LAMB1: variants seen among roughly 807,000 people sequenced by gnomAD.
The protein encoded by LAMB1 is laminin subunit beta-1.
A neutral mutation model predicts 222.3 loss-of-function variants in LAMB1; 121 were observed. The ratio of observed to expected loss-of-function variants is 0.54; its 90% CI spans 0.47 to 0.63. LAMB1 has a LOEUF of 0.63. LAMB1 is among the 30% of genes least tolerant of loss of function. LAMB1 has a pLI of 0.00. For missense variants in LAMB1, 2,172 were observed against 2,240.8 expected, an observed-to-expected ratio of 0.97 and a Z score of 0.62; for synonymous variants, 794 against 807.2, an observed-to-expected ratio of 0.98 and a Z score of 0.28.
intron 24 of LAMB1, among the ~76,000 whole-genome samples, chr7:107,948,865 T>C (rs2033183296): frequency 6.6e-6 from 1 of 152,194 alleles, no homozygotes; most frequent in African/African-American, 2.4e-5. Flanking sequence ...CATGTGATCT[T>C]TGTAGTTCCT....
At chr7:107,958,956 A>G (rs2033434458) in intron 20 of LAMB1, among the ~76,000 whole-genome samples, 1 of 152,226 alleles carries the variant, frequency 6.6e-6, no homozygotes, top group African/African-American at 2.4e-5. Context: ...CTGCTGAGAC[A>G]GACAGAATTT....
intron 31 of LAMB1, among the ~76,000 whole-genome samples, chr7:107,928,708 G>A (rs1377042596): frequency 6.6e-6 from 1 of 152,140 alleles, no homozygotes; most frequent in Admixed American, 6.5e-5. Context: ...GGCCACGCTG[G>A]TCTTGAACTA....
chr7:108,001,746 C>A lies in LAMB1; in HGVS notation c.38-13G>T. On this transcript the variant is annotated splice_polypyrimidine_tract_variant and intron_variant, in intron 2 of 33. Transcript: ENST00000222399. ...GCTCTGCACAGGGCTGCGGGAAGGA[C>A]AGGCAACAGAGTTGGGGGGACACAA... 2 of 1,611,664 alleles carry A rather than the reference C, an allele frequency of 1.2e-6. No individual in the cohort carries two copies. The highest frequency in any genetic ancestry group is 1.7e-6 in the Non-Finnish European group (2 of 1,179,352).
intron 25 of LAMB1, 65 bp from the exon 26 acceptor site, chr7:107,937,342 A>G: frequency 1.6e-6 from 2 of 1,280,348 alleles, no homozygotes; most frequent in Admixed American, 1.7e-5. Context: ...CACGTTTCAT[A>G]TTTTCTACTA....
At chr7:107,945,235 T>C (rs2033090949) in intron 24 of LAMB1, among the ~76,000 whole-genome samples, 1 of 152,206 alleles carries the variant, frequency 6.6e-6, no homozygotes. Context: ...AGTAGGTAAA[T>C]GAAAGCTATT....
chr7:107,933,509 A>C (rs571568559), intron 27 of LAMB1, among the ~76,000 whole-genome samples: 1 of 152,176 alleles, frequency 6.6e-6, no homozygotes, highest in African/African-American at 2.4e-5. Flanking sequence ...CATGAGTCTT[A>C]AGAACATAAG....
intron 22 of LAMB1, 79 bp downstream of exon 22, chr7:107,953,451 A>G (rs2033302916): frequency 9.4e-7 from 1 of 1,060,634 alleles, no homozygotes. Context: ...AAATAAATAC[A>G]GGAAGAATAA....
chr7:107,986,927 C>T (rs1182084462), intron 5 of LAMB1, among the ~76,000 whole-genome samples: 1 of 152,130 alleles, frequency 6.6e-6, no homozygotes, highest in East Asian at 1.9e-4. Context: ...GCTGGAAAAT[C>T]GAGCAATTCC....
intron 25 of LAMB1, among the ~76,000 whole-genome samples, chr7:107,937,716 C>T (rs1252788830): frequency 6.6e-6 from 1 of 152,172 alleles, no homozygotes; most frequent in African/African-American, 2.4e-5. Context: ...GGATCTCCTT[C>T]AAGATGGAAC....
chr7:107,985,310 T>C (rs182453681), intron 7 of LAMB1, among the ~76,000 whole-genome samples: 105 of 152,268 alleles, frequency 6.9e-4, no homozygotes, highest in African/African-American at 2.5e-3. Flanking sequence ...ACTTATTCCA[T>C]GGCTGCTGTT....
chr7:107,970,444 A>G (rs1272668803), intron 13 of LAMB1, among the ~76,000 whole-genome samples: 1 of 136,752 alleles, frequency 7.3e-6, no homozygotes, highest in African/African-American at 2.7e-5. Context: ...GCCAAGATCA[A>G]TGCCACTGCA....
intron 31 of LAMB1, 148 bp downstream of exon 31, chr7:107,928,916 A>G (rs2032635518): frequency 1.3e-6 from 1 of 773,450 alleles, no homozygotes; most frequent in African/African-American, 1.7e-5. Flanking sequence ...TATTTTTAGC[A>G]TCCATGCTAA....
chr7:107,968,260 A>T (rs2033673502), intron 13 of LAMB1, among the ~76,000 whole-genome samples: 1 of 152,340 alleles, frequency 6.6e-6, no homozygotes, highest in Non-Finnish European at 1.5e-5. Flanking sequence ...TAAAAATCAA[A>T]TCTGATAGAA....
In LAMB1 at chr7:107,953,570, C is replaced by T. The variant is rs766409752; in HGVS notation, c.3039G>A (p.Arg1013=). ...HTEGEHCQFC[R]FGYYGDALQQ... ...GGAGGGCATCACCATAGTATCCAAA[C>T]CGGCAGAACTGACAGTGTTCCCCTT... The change falls in exon 22 of 34, where the codon CGG becomes CGA. Residue 1013 remains arginine (R), a synonymous_variant. Transcript: ENST00000222399. The T allele has an allele frequency of 6.2e-7, 1 of 1,614,182 alleles. No homozygotes were observed. Among genetic ancestry groups the T allele is most frequent in the South Asian group, 1.1e-5 (1 of 91,084 alleles).
intron 25 of LAMB1, among the ~76,000 whole-genome samples, chr7:107,938,345 T>A (rs2116346941): frequency 6.6e-6 from 1 of 152,354 alleles, no homozygotes; most frequent in South Asian, 2.1e-4. Flanking sequence ...CTTTTTTCAG[T>A]GCTTTGCTTT....
chr7:107,937,803 T>C (rs1418623090), intron 25 of LAMB1, among the ~76,000 whole-genome samples: 2 of 152,224 alleles, frequency 1.3e-5, no homozygotes, highest in South Asian at 2.1e-4. Flanking sequence ...ACTCCTCTCT[T>C]CCGTCAGAGG....
chr7:107,940,622 C>A, intron 24 of LAMB1: 1 of 455,012 alleles, frequency 2.2e-6, no homozygotes, highest in Non-Finnish European at 4.0e-6. Flanking sequence ...CACAATAACC[C>A]TATGGGATAC....
chr7:107,982,799 AC>A (rs2033999228), intron 7 of LAMB1, among the ~76,000 whole-genome samples: 2 of 152,256 alleles, frequency 1.3e-5, no homozygotes, highest in South Asian at 4.1e-4. Flanking sequence ...ACAATAGACA[AC>A]TAAAGAGATA....
Position 107,944,144 on chromosome 7 carries a change from A to C in LAMB1, c.3392-3786T>G, listed in dbSNP as rs558589070. The stretch of plus-strand genomic sequence containing the variant: ...ATGATGCAAAGGTATACCTTTGTTC[A>C]GTCCTAAACATTAGGTTTTTGCTGG... On this transcript the variant is annotated intron_variant, in intron 24 of 33. Coordinates refer to ENST00000222399, the MANE Select transcript of LAMB1 (RefSeq NM_002291.3). Among the ~76,000 whole-genome samples, 31 of 152,350 alleles carry C rather than the reference A, an allele frequency of 2.0e-4. 1 individual carries two copies. The South Asian group carries it at 6.2e-3, about 31-fold the overall frequency.
Sources: allele counts gnomAD v4.1 joint callset (sites outside exome capture counted in the v4.1 genomes callset), GRCh38; gene constraint gnomAD v4.1.1; transcripts MANE v1.5; gene names NCBI Gene and HGNC (gene_info 2026-07-23, HGNC 2026-07-21).